Variants in CYRIA observed in about 807,000 individuals in gnomAD.
CYRIA encodes CYFIP-related Rac1 interactor A.
In CYRIA, 15 loss-of-function variants were observed where a neutral mutation model predicts 43.9. The ratio of observed to expected loss-of-function variants is 0.34; its 90% confidence interval spans 0.23 to 0.53. The LOEUF (loss-of-function observed/expected upper bound fraction) is 0.53, where lower values mean the gene tolerates loss of function less well. Among genes scored for constraint, CYRIA ranks in the 20% least tolerant of loss-of-function variants. The pLI is 0.94. For missense variants in CYRIA, 236 were observed against 394.2 expected (o/e 0.60, Z 3.40); for synonymous variants, 117 against 136.0 (o/e 0.86, Z 0.97).
chr2:16,631,291 C>T (rs1669323049), intron 1 of CYRIA, among the ~76,000 whole-genome samples: 1 of 152,212 alleles, frequency 6.6e-6, no homozygotes, highest in African/African-American at 2.4e-5. Context: ...GAGCCCTGCA[C>T]AAATGAGAAG....
At chr2:16,662,131 C>G (rs1050474245) in intron 1 of CYRIA, among the ~76,000 whole-genome samples, 8 of 152,072 alleles carry the variant, frequency 5.3e-5, no homozygotes, top group Non-Finnish European at 1.0e-4. Flanking sequence ...CATAGCTTAT[C>G]TAGTGAGCAA....
At chr2:16,555,023 G>A (rs1460199264) in intron 11 of CYRIA, 46 bp downstream of exon 11, 1 of 1,547,760 alleles carries the variant, frequency 6.5e-7, no homozygotes, top group South Asian at 1.1e-5. Flanking sequence ...CAATGGCCCT[G>A]AAAGGCTGGC....
At chr2:16,610,086 T>C (rs1668539134) in intron 2 of CYRIA, among the ~76,000 whole-genome samples, 1 of 152,246 alleles carries the variant, frequency 6.6e-6, no homozygotes, top group Non-Finnish European at 1.5e-5. Context: ...CTTAGTAAGA[T>C]GAATAATAAT....
intron 1 of CYRIA, among the ~76,000 whole-genome samples, chr2:16,631,974 G>A (rs1396410157): frequency 6.6e-6 from 1 of 152,172 alleles, no homozygotes; most frequent in Non-Finnish European, 1.5e-5. Flanking sequence ...GTGTCACATG[G>A]CGAACACCCC....
At chr2:16,629,403 A>G (rs1014514089) in intron 1 of CYRIA, among the ~76,000 whole-genome samples, 3 of 152,250 alleles carry the variant, frequency 2.0e-5, no homozygotes, top group African/African-American at 7.2e-5. Context: ...AGAGGAAGGA[A>G]GAATCTGCTG....
intron 10 of CYRIA, among the ~76,000 whole-genome samples, chr2:16,555,888 G>C (rs1318006022): frequency 2.0e-5 from 3 of 152,136 alleles, no homozygotes; most frequent in Admixed American, 2.0e-4. Flanking sequence ...GATGCTAAAT[G>C]CCTGAGTTTC....
chr2:16,563,664 C>T (rs549883260), intron 5 of CYRIA, among the ~76,000 whole-genome samples: 2 of 152,114 alleles, frequency 1.3e-5, no homozygotes, highest in Non-Finnish European at 2.9e-5. Flanking sequence ...AGCAGGTAAC[C>T]TGTTATCTTT....
intron 1 of CYRIA, among the ~76,000 whole-genome samples, chr2:16,641,630 C>T (rs2103535684): frequency 6.6e-6 from 1 of 152,262 alleles, no homozygotes; most frequent in East Asian, 1.9e-4. Flanking sequence ...AGAAAAATAC[C>T]AAGTTTAACT....
chr2:16,575,627 G>A (rs962671489), intron 3 of CYRIA, among the ~76,000 whole-genome samples: 5 of 151,960 alleles, frequency 3.3e-5, no homozygotes, highest in South Asian at 4.2e-4. Flanking sequence ...AGGCCGAGGC[G>A]GGCGGATCAC....
intron 10 of CYRIA, among the ~76,000 whole-genome samples, chr2:16,556,080 A>C (rs1666499866): frequency 6.6e-6 from 1 of 152,110 alleles, no homozygotes; most frequent in African/African-American, 2.4e-5. Context: ...CTGCAAAGCT[A>C]TTCATATGCT....
chr2:16,655,104 T>C (rs575752888), intron 1 of CYRIA, among the ~76,000 whole-genome samples: 1 of 152,276 alleles, frequency 6.6e-6, no homozygotes, highest in Admixed American at 6.5e-5. Flanking sequence ...ACAGGAGATA[T>C]GCACTTAGCA....
chr2:16,589,047 T>C (rs945550515), intron 2 of CYRIA, among the ~76,000 whole-genome samples: 1 of 152,034 alleles, frequency 6.6e-6, no homozygotes, highest in African/African-American at 2.4e-5. Context: ...AAACTATCTT[T>C]TTAGGGAAGT....
chr2:16,578,983 C>T (rs1281200341), intron 3 of CYRIA, among the ~76,000 whole-genome samples: 1 of 151,968 alleles, frequency 6.6e-6, no homozygotes, highest in African/African-American at 2.4e-5. Context: ...GAAACTACTA[C>T]AAAACAAAAA....
At chr2:16,660,993 C>A (rs959453677) in intron 1 of CYRIA, among the ~76,000 whole-genome samples, 6 of 152,226 alleles carry the variant, frequency 3.9e-5, no homozygotes, top group African/African-American at 1.4e-4. Flanking sequence ...TCAATACCTC[C>A]AGCTTCCTAG....
At position 16,605,970 on chromosome 2, in the gene CYRIA, G is replaced by C. The variant is rs116361314; in HGVS notation, c.-10-17841C>G. Among the ~76,000 whole-genome samples the C allele has an allele frequency of 7.3e-3, 1,113 of 152,080 alleles. 12 individuals are homozygous for C. The highest frequency in any genetic ancestry group is 0.026 in the African/African-American group (1,058 of 41,468). On this transcript the variant is annotated intron_variant, in intron 2 of 11. Transcript: ENST00000381323. Reference sequence around the variant, plus strand: ...CCTCAAGTTTCTACTTTGTCCATCTGGCCTTTAAGTCTTGGTCTCCATGTT... The same window carrying C: ...CCTCAAGTTTCTACTTTGTCCATCTCGCCTTTAAGTCTTGGTCTCCATGTT...
intron 3 of CYRIA, among the ~76,000 whole-genome samples, chr2:16,568,247 A>C (rs1478607104): frequency 6.6e-6 from 1 of 151,054 alleles, no homozygotes; most frequent in Admixed American, 6.6e-5. Flanking sequence ...AAAAAAAAAA[A>C]AACCCAAATC....
In CYRIA at chr2:16,563,989, C is replaced by T; in HGVS notation, c.298G>A (p.Glu100Lys). 6.2e-7 allele frequency: 1 copy of T among 1,608,792 alleles called. No homozygotes were observed. Among genetic ancestry groups the T allele is most frequent in the Non-Finnish European group, 8.5e-7 (1 of 1,175,832 alleles). ...KRFYEFSIRL[E>K]KALQSLLESL... ...ATGAAAACTACAAATACATACTCACCTAGTCTAATGGAAAACTCGTAAAAT... is the reference window on the plus strand; with the variant it reads ...ATGAAAACTACAAATACATACTCACTTAGTCTAATGGAAAACTCGTAAAAT... The change falls in exon 5 of 12, where the codon GAA becomes AAA. Residue 100 changes from glutamate (E) to lysine (K), a missense_variant and splice_region_variant. Glu to Lys is a moderately conservative substitution (Grantham distance 56). Around this residue, in one of 3 missense-constraint regions of CYRIA, gnomAD observed 193 missense variants for 303.9 expected, o/e 0.64. Coordinates refer to ENST00000381323, the MANE Select transcript of CYRIA (RefSeq NM_030797.4).
In CYRIA at chr2:16,564,231, G is replaced by T. The variant is rs1026319618; in HGVS notation, c.193-137C>A. On this transcript the variant is annotated intron_variant, in intron 4 of 11. Transcript: ENST00000381323. ...CTACTTAAATCAACACCGGTTCATC[G>T]GATGGTCCTCCAACATGCTCAATAT... 6.7e-6 allele frequency: 4 copies of T among 598,644 alleles called. No homozygotes were observed. In the East Asian group the frequency reaches 1.2e-4, roughly 18 times the overall value. 37.1% of individuals were successfully genotyped at this position (598,644 alleles called of 1,614,324 possible).
Position 16,555,146 on chromosome 2 carries a change from G to A in CYRIA, c.838-7C>T, listed in dbSNP as rs1474479634. ...CTTTTATGCAGCCTTTCATCTAGGA[G>A]GAGAAAGCACAATGTTTGTTAATAT... On this transcript the variant is annotated splice_polypyrimidine_tract_variant and splice_region_variant and intron_variant, in intron 10 of 11. Coordinates refer to ENST00000381323, the MANE Select transcript of CYRIA (RefSeq NM_030797.4). The A allele has an allele frequency of 6.2e-7, 1 of 1,611,038 alleles. No individual in the cohort carries two copies. The highest frequency in any genetic ancestry group is 2.2e-5 in the East Asian group (1 of 44,790).
Sources: gnomAD v4.1 joint callset for allele counts (sites outside exome capture counted in the v4.1 genomes callset) on GRCh38, gnomAD v4.1.1 for gene constraint, gnomAD v4.1.1 regional missense constraint, MANE v1.5 for transcripts, NCBI Gene and HGNC (gene_info 2026-07-23, HGNC 2026-07-21) for gene names.